Variants in ARL6IP1 observed in about 807,000 individuals in gnomAD.
The protein encoded by ARL6IP1 is ADP-ribosylation factor-like protein 6-interacting protein 1.
ARL6IP1 carries 16 observed loss-of-function variants against 30.1 expected under a neutral mutation model. The observed-to-expected ratio is 0.53, with a 90% confidence interval of 0.36 to 0.81. The LOEUF (loss-of-function observed/expected upper bound fraction) is 0.81. ARL6IP1 is among the 30% of genes least tolerant of loss of function. The probability of loss-of-function intolerance (pLI) is 0.01; values close to 1 mark genes in which losing one functional copy is unlikely to be tolerated. For synonymous variants in ARL6IP1, 72 were observed against 84.8 expected (o/e 0.85, Z 0.83); for missense variants, 173 against 242.7 (o/e 0.71, Z 1.91).
rs113687501 is a variant in ARL6IP1, at chr16:18,794,769, T to C, written c.409-86A>G. 2,427 of 996,154 alleles carry C rather than the reference T, an allele frequency of 2.4e-3. 48 individuals carry two copies. In the African/African-American group the frequency reaches 0.035, roughly 14 times the overall value. 61.7% of individuals were successfully genotyped at this position (996,154 alleles called of 1,614,324 possible). A position where few individuals can be genotyped will look rare whatever the true frequency, so the allele number is the denominator to read the frequency against. On this transcript the variant is annotated intron_variant, in intron 4 of 5. Coordinates refer to ENST00000304414, the MANE Select transcript of ARL6IP1 (RefSeq NM_015161.3). Reference sequence around the variant, plus strand: ...TTTTTATTTGTCAATTAAAGAAGAATGTGTTTCAAAGTTCGGGAAATAATT... The same window carrying C: ...TTTTTATTTGTCAATTAAAGAAGAACGTGTTTCAAAGTTCGGGAAATAATT...
In ARL6IP1 at chr16:18,793,249, G is replaced by A; in HGVS notation, c.*3C>T. ...ATTAATCACACTGATTAAAGCAGATGAATCATTCGTTTTTCTTTTCTTTTT... is the reference window on the plus strand; with the variant it reads ...ATTAATCACACTGATTAAAGCAGATAAATCATTCGTTTTTCTTTTCTTTTT... On this transcript the variant is annotated 3_prime_UTR_variant, in exon 6 of 6. Transcript: ENST00000304414. 6.3e-7 allele frequency: 1 copy of A among 1,588,848 alleles called. No individual in the cohort carries two copies. Among genetic ancestry groups the A allele is most frequent in the African/African-American group, 1.3e-5 (1 of 74,470 alleles).
At chr16:18,797,175 C>T (rs1038553813) in intron 3 of ARL6IP1, among the ~76,000 whole-genome samples, 20 of 151,294 alleles carry the variant, frequency 1.3e-4, no homozygotes, top group Non-Finnish European at 7.4e-5. Flanking sequence ...GTCAGGAGAT[C>T]GAGACCATCC....
chr16:18,799,951 A>G (rs2030357719), intron 1 of ARL6IP1, among the ~76,000 whole-genome samples: 1 of 152,180 alleles, frequency 6.6e-6, no homozygotes, highest in African/African-American at 2.4e-5. Context: ...TCACGCCTGT[A>G]AACCCAGCAC....
chr16:18,796,420 T>C (rs2141870907), intron 3 of ARL6IP1, among the ~76,000 whole-genome samples: 1 of 152,348 alleles, frequency 6.6e-6, no homozygotes, highest in East Asian at 1.9e-4. Context: ...TTCTTGCCCA[T>C]GGTCAAGGCT....
In ARL6IP1 at chr16:18,801,499, C is replaced by T. The variant is rs753239590; in HGVS notation, c.-33G>A. 1 of 1,608,236 alleles carries T rather than the reference C, an allele frequency of 6.2e-7. No individual in the cohort carries two copies. Among genetic ancestry groups the T allele is most frequent in the Non-Finnish European group, 8.5e-7 (1 of 1,177,966 alleles). On this transcript the variant is annotated 5_prime_UTR_variant, in exon 1 of 6. Transcript: ENST00000304414. ...GGGATGCAGTCTCTACAAGCGCAGG[C>T]CACCTCCCCAACGAGTCCTCCAACC...
At chr16:18,798,637 C>G in intron 2 of ARL6IP1, 64 bp downstream of exon 2, 5 of 1,545,726 alleles carry the variant, frequency 3.2e-6, no homozygotes, top group Non-Finnish European at 4.4e-6. Context: ...CAAACAGAAG[C>G]TATATATTAA....
chr16:18,800,735 C>T (rs574242160), intron 1 of ARL6IP1, among the ~76,000 whole-genome samples: 1 of 152,280 alleles, frequency 6.6e-6, no homozygotes, highest in East Asian at 1.9e-4. Context: ...ACAAGGTGCG[C>T]TTAAATTCAT....
intron 2 of ARL6IP1, 140 bp downstream of exon 2, chr16:18,798,560 CT>C: frequency 1.1e-6 from 1 of 915,802 alleles, no homozygotes; most frequent in Admixed American, 3.6e-5. Flanking sequence ...ACTAGAAGTG[CT>C]TATGAGAAAC....
At chr16:18,796,345 G>GT (rs1304963543) in intron 3 of ARL6IP1, among the ~76,000 whole-genome samples, 4 of 152,170 alleles carry the variant, frequency 2.6e-5, no homozygotes, top group African/African-American at 9.7e-5. Flanking sequence ...TAAAACTGCA[G>GT]TGATAGATAA....
chr16:18,793,414 C>T (rs1567290721), intron 5 of ARL6IP1, 44 bp from the exon 6 acceptor site: 1 of 1,152,442 alleles, frequency 8.7e-7, no homozygotes, highest in South Asian at 1.4e-5. Context: ...CAGCAATTAA[C>T]CTGCTAAAGG....
intron 1 of ARL6IP1, among the ~76,000 whole-genome samples, chr16:18,800,095 G>A (rs932410160): frequency 2.6e-5 from 4 of 152,138 alleles, no homozygotes; most frequent in African/African-American, 7.2e-5. Flanking sequence ...TAACAAAGAC[G>A]CTCGCTATCT....
Position 18,794,645 on chromosome 16 carries a change from A to C in ARL6IP1, c.447T>G (p.Ala149=), listed in dbSNP as rs779129986. The C allele has an allele frequency of 6.2e-7, 1 of 1,613,572 alleles. No individual in the cohort carries two copies. Among genetic ancestry groups the C allele is most frequent in the Non-Finnish European group, 8.5e-7 (1 of 1,179,632 alleles). Reference sequence around the variant, plus strand: ...GGTTGTGGACTTGTTGTCCCACCCAAGCAACCGCAGCAAGGGAAACGATCA... The same window carrying C: ...GGTTGTGGACTTGTTGTCCCACCCACGCAACCGCAGCAAGGGAAACGATCA... ...MTMIVSLAAV[A]WVGQQVHNLL... is the part of the protein sequence containing the mutation. The change falls in exon 5 of 6, where the codon GCT becomes GCG. Residue 149 remains alanine (A), a synonymous_variant. Transcript: ENST00000304414.
chr16:18,798,556 A>G (rs2030313159), intron 2 of ARL6IP1, 145 bp downstream of exon 2: 3 of 863,998 alleles, frequency 3.5e-6, no homozygotes, highest in African/African-American at 1.7e-5. Context: ...GGAAACTAGA[A>G]GTGCTTATGA....
chr16:18,796,959 A>G (rs1263343403), intron 3 of ARL6IP1, among the ~76,000 whole-genome samples: 1 of 152,228 alleles, frequency 6.6e-6, no homozygotes, highest in Non-Finnish European at 1.5e-5. Context: ...TGAGAAGAAA[A>G]TATCTATTCC....
intron 3 of ARL6IP1, 169 bp downstream of exon 3, chr16:18,797,756 A>AG (rs2030285220): frequency 1.3e-6 from 1 of 794,986 alleles, no homozygotes; most frequent in Non-Finnish European, 1.9e-6. Context: ...GAAAATTCAT[A>AG]GTTTATATTC....
intron 1 of ARL6IP1, chr16:18,801,218 GCCCTCCTCGC>G (rs2030399470): frequency 2.1e-6 from 3 of 1,409,174 alleles, no homozygotes; most frequent in Middle Eastern, 2.6e-4. Context: ...TGAATCACGC[GCCCTCCTCGC>G]CCCGTCGCGC....
rs773967452 is a variant in ARL6IP1, at chr16:18,794,629, CTTG to C, written c.460_462del (p.Gln154del). 1.2e-6 allele frequency: 2 copies of C among 1,613,462 alleles called. No individual in the cohort carries two copies. The highest frequency in any genetic ancestry group is 1.7e-6 in the Non-Finnish European group (2 of 1,179,614). The stretch of plus-strand genomic sequence containing the variant: ...AGGTAGGTGAGAAGCAGGTTGTGGA[CTTG>C]TTGTCCCACCCAAGCAACCGCAGCA... On this transcript the variant is annotated inframe_deletion, in exon 5 of 6. Transcript: ENST00000304414.
rs1322451732 is a variant in ARL6IP1 at position 18,798,821 on chromosome 16, G to T, written c.50C>A (p.Ala17Glu). 2 of 1,613,828 alleles carry T rather than the reference G, an allele frequency of 1.2e-6. No individual in the cohort carries two copies. Among genetic ancestry groups the T allele is most frequent in the Non-Finnish European group, 1.7e-6 (2 of 1,179,950 alleles). The change falls in exon 2 of 6, where the codon GCA becomes GAA. Residue 17 changes from alanine (A) to glutamate (E), a missense_variant. Ala to Glu is a moderately radical substitution (Grantham distance 107, BLOSUM62 -1). Transcript: ENST00000304414. ...TCCTTGCAGCTGTTCTTCCAGACTT[G>T]CAGTCTCTGCAGCCTAAATACCACC... ...RSTNLLAAET[A>E]SLEEQLQGWG...
intron 3 of ARL6IP1, among the ~76,000 whole-genome samples, chr16:18,796,732 C>T (rs1265704677): frequency 6.6e-6 from 1 of 152,232 alleles, no homozygotes; most frequent in African/African-American, 2.4e-5. Flanking sequence ...AACACTAATC[C>T]ATTCTGCTGT....
Sources: allele counts gnomAD v4.1 joint callset (sites outside exome capture counted in the v4.1 genomes callset), GRCh38; gene constraint gnomAD v4.1.1; transcripts MANE v1.5; gene names NCBI Gene and HGNC (gene_info 2026-07-23, HGNC 2026-07-21).